Variants in MDGA2 observed in about 807,000 individuals in gnomAD.
MDGA2 encodes MAM domain containing glycosylphosphatidylinositol anchor 2.
MDGA2 carries 40 observed loss-of-function variants against 117.8 expected under a neutral mutation model. That is an observed-to-expected ratio of 0.34 (90% CI 0.26 to 0.44). The LOEUF (loss-of-function observed/expected upper bound fraction) is 0.44. Ranked by LOEUF, MDGA2 falls within the 20% of genes least tolerant of loss-of-function variation. The probability of loss-of-function intolerance (pLI) is 1.00; values close to 1 mark genes in which losing one functional copy is unlikely to be tolerated. For missense variants in MDGA2, 1,123 were observed against 1,250.6 expected, an observed-to-expected ratio of 0.90 and a Z score of 1.54; for synonymous variants, 452 against 439.0, an observed-to-expected ratio of 1.03 and a Z score of -0.37.
intron 1 of MDGA2, among the ~76,000 whole-genome samples, chr14:47,410,012 G>A (rs1892338852): frequency 6.6e-6 from 1 of 152,106 alleles, no homozygotes; most frequent in African/African-American, 2.4e-5. Flanking sequence ...ATCATTACAG[G>A]CTATGAGATT....
intron 5 of MDGA2, among the ~76,000 whole-genome samples, chr14:47,128,221 T>C (rs1379813305): frequency 1.4e-5 from 2 of 145,550 alleles, no homozygotes; most frequent in African/African-American, 2.6e-5. Context: ...GTTCATTATG[T>C]GTCAGATGAT....
intron 1 of MDGA2, among the ~76,000 whole-genome samples, chr14:47,628,691 T>G (rs1897196880): frequency 6.6e-6 from 1 of 152,186 alleles, no homozygotes; most frequent in African/African-American, 2.4e-5. Context: ...TCTTTAGACT[T>G]ACATCTCAAG....
chr14:47,216,632 A>G (rs1886099013), intron 3 of MDGA2, among the ~76,000 whole-genome samples: 1 of 152,148 alleles, frequency 6.6e-6, no homozygotes, highest in South Asian at 2.1e-4. Flanking sequence ...AAGGTATTGA[A>G]GAGGTGTATT....
chr14:47,535,896 C>G (rs1895200469), intron 1 of MDGA2, among the ~76,000 whole-genome samples: 1 of 152,232 alleles, frequency 6.6e-6, no homozygotes, highest in Non-Finnish European at 1.5e-5. Flanking sequence ...TGCCAGTCGG[C>G]TGGGGATTGG....
Position 47,061,268 on chromosome 14 carries a change from A to C in MDGA2, c.1506T>G (p.Val502=). Residue 502 remains valine (V), a synonymous_variant, in exon 7 of 17, where the codon GTT becomes GTG. Coordinates refer to ENST00000399232, the MANE Select transcript of MDGA2 (RefSeq NM_001113498.3). ...GGGISDISID[V]NISSSTVPPN... ...TCTTACCTGTGCTGCTGGATATATT[A>C]ACATCGATACTGATATCAGATATTC... The C allele has an allele frequency of 1.2e-6, 2 of 1,613,034 alleles. No homozygotes were observed. Among genetic ancestry groups the C allele is most frequent in the Non-Finnish European group, 1.7e-6 (2 of 1,179,208 alleles).
intron 2 of MDGA2, among the ~76,000 whole-genome samples, chr14:47,233,340 C>T (rs926744462): frequency 1.2e-4 from 19 of 152,030 alleles, no homozygotes; most frequent in African/African-American, 4.6e-4. Flanking sequence ...ATTCTTATTA[C>T]AAAACCGATA....
chr14:47,426,016 T>C (rs937505983), intron 1 of MDGA2, among the ~76,000 whole-genome samples: 5 of 152,078 alleles, frequency 3.3e-5, no homozygotes, highest in Non-Finnish European at 1.5e-5. Context: ...CTTCTTTGTG[T>C]CCTCCAGTCT....
chr14:47,351,077 A>ATTTTTTTTTT (rs1890867949), intron 1 of MDGA2, among the ~76,000 whole-genome samples: 2 of 68,050 alleles, frequency 2.9e-5, no homozygotes, highest in Admixed American at 2.3e-4. Flanking sequence ...AGGCCCGGCT[A>ATTTTTTTTTT]ATTTTTTTTT....
chr14:47,662,325 T>A (rs80223035), intron 1 of MDGA2, among the ~76,000 whole-genome samples: 6,296 of 152,128 alleles, frequency 0.041, 119 homozygotes, highest in Middle Eastern at 0.062. Flanking sequence ...TAATATGTAT[T>A]TTTTATAGTA....
At chr14:46,928,942 G>A (rs1433357076) in intron 9 of MDGA2, among the ~76,000 whole-genome samples, 1 of 152,142 alleles carries the variant, frequency 6.6e-6, no homozygotes, top group Non-Finnish European at 1.5e-5. Context: ...GAAGCCAGTA[G>A]AGGGTACTGA....
chr14:47,629,829 G>A (rs1226284235), intron 1 of MDGA2, among the ~76,000 whole-genome samples: 3 of 152,108 alleles, frequency 2.0e-5, no homozygotes, highest in Non-Finnish European at 4.4e-5. Flanking sequence ...CTTCCCTTGA[G>A]GCACTTGGGC....
chr14:47,097,316 A>G (rs1594616632), intron 5 of MDGA2, among the ~76,000 whole-genome samples, 193 bp from the exon 6 acceptor site: 1 of 152,130 alleles, frequency 6.6e-6, no homozygotes, highest in East Asian at 1.9e-4. Context: ...ATAAACATGT[A>G]GAACTGTATT....
chr14:47,465,487 AAAAC>A (rs771736566), intron 1 of MDGA2, among the ~76,000 whole-genome samples: 1 of 152,180 alleles, frequency 6.6e-6, no homozygotes, highest in East Asian at 1.9e-4. Context: ...TACAAGAAAA[AAAAC>A]AAACAACCCC....
At chr14:47,316,096 C>T (rs1421646964) in intron 1 of MDGA2, among the ~76,000 whole-genome samples, 1 of 152,032 alleles carries the variant, frequency 6.6e-6, no homozygotes, top group Non-Finnish European at 1.5e-5. Flanking sequence ...TCCTTTTCCT[C>T]ATTTATATAA....
intron 5 of MDGA2, among the ~76,000 whole-genome samples, chr14:47,114,228 AC>A (rs1031884121): frequency 5.9e-5 from 9 of 152,164 alleles, no homozygotes; most frequent in African/African-American, 2.2e-4. Flanking sequence ...GAAGTTAACG[AC>A]CTCTTCAAGG....
intron 1 of MDGA2, among the ~76,000 whole-genome samples, chr14:47,641,301 G>C (rs924923212): frequency 2.0e-5 from 3 of 149,936 alleles, no homozygotes; most frequent in African/African-American, 7.6e-5. Flanking sequence ...GTATATGCAA[G>C]TCTGATTCCA....
intron 9 of MDGA2, among the ~76,000 whole-genome samples, chr14:46,927,933 A>G (rs1884393217): frequency 6.6e-6 from 1 of 152,190 alleles, no homozygotes; most frequent in African/African-American, 2.4e-5. Context: ...ATAGCCCTGG[A>G]AAGCAGGTTT....
In MDGA2 at chr14:47,478,997, A is replaced by G. The variant is rs74890284; in HGVS notation, c.281-177447T>C. On this transcript the variant is annotated intron_variant, in intron 1 of 16. Coordinates refer to ENST00000399232, the MANE Select transcript of MDGA2 (RefSeq NM_001113498.3). ...TATCCACAATGCTTATTTTAAAACA[A>G]TTAGTTCCGAGAGTAACAGTAGCAG... Among the ~76,000 whole-genome samples the G allele has an allele frequency of 9.2e-5, 14 of 152,346 alleles. No individual in the cohort carries two copies. The East Asian group carries it at 2.5e-3, about 27-fold the overall frequency.
At chr14:47,551,088 G>A (rs1895571905) in intron 1 of MDGA2, among the ~76,000 whole-genome samples, 2 of 152,056 alleles carry the variant, frequency 1.3e-5, no homozygotes, top group South Asian at 4.1e-4. Flanking sequence ...AAAGATATGT[G>A]TAATATTAAT....
Sources: allele counts gnomAD v4.1 joint callset (sites outside exome capture counted in the v4.1 genomes callset), GRCh38; gene constraint gnomAD v4.1.1; transcripts MANE v1.5; gene names NCBI Gene and HGNC (gene_info 2026-07-23, HGNC 2026-07-21).